The following ZNF609 variants were observed in gnomAD, a reference collection of about 807,000 sequenced individuals.
The protein encoded by ZNF609 is zinc finger protein 609.
Under a neutral mutation model 109.5 loss-of-function variants are expected in ZNF609, and 11 were observed. That is an observed-to-expected ratio of 0.10 (90% confidence interval 0.06 to 0.17). ZNF609 has a LOEUF of 0.17. Among genes scored for constraint, ZNF609 ranks in the 10% least tolerant of loss-of-function variants. The probability of loss-of-function intolerance (pLI) is 1.00; values close to 1 mark genes in which losing one functional copy is unlikely to be tolerated. For missense variants in ZNF609, 1,559 were observed against 1,772.4 expected, an observed-to-expected ratio of 0.88 and a Z score of 2.16; for synonymous variants, 646 against 662.0, an observed-to-expected ratio of 0.98 and a Z score of 0.37.
chr15:64,492,984 T>C lies in ZNF609; in HGVS notation c.-127-6309T>C, dbSNP rs201863290. 3.3e-5 allele frequency among the ~76,000 whole-genome samples: 5 copies of C among 152,336 alleles called. No homozygotes were observed. In the East Asian group the frequency reaches 9.6e-4, roughly 29 times the overall value. ...TGTGACCTGTGTGGTCTCAAGCAGA[T>C]TATAATTCATATATAACTGTCACAT... On this transcript the variant is annotated intron_variant, in intron 1 of 9. Transcript: ENST00000326648.
At position 64,499,827 on chromosome 15, in the gene ZNF609, T is replaced by A; in HGVS notation, c.408T>A (p.Ala136=). ...GDGANAGGLV[A]AIAPKGSEKA... is the part of the protein sequence containing the mutation. ...GTGCCAATGCTGGAGGCCTGGTTGC[T>A]GCTATTGCTCCCAAGGGCTCAGAGA... Residue 136 remains alanine (A), a synonymous_variant, in exon 2 of 10, where the codon GCT becomes GCA. Coordinates refer to ENST00000326648, the MANE Select transcript of ZNF609 (RefSeq NM_015042.2). 1 of 1,614,066 alleles carries A rather than the reference T, an allele frequency of 6.2e-7. No homozygotes were observed. Among genetic ancestry groups the A allele is most frequent in the Non-Finnish European group, 8.5e-7 (1 of 1,180,006 alleles).
chr15:64,530,288 G>A (rs1479274339), intron 2 of ZNF609, among the ~76,000 whole-genome samples: 1 of 152,152 alleles, frequency 6.6e-6, no homozygotes, highest in Non-Finnish European at 1.5e-5. Flanking sequence ...GGGATTACAG[G>A]CATGAGCCAC....
chr15:64,669,893 C>A (rs1328508393), intron 3 of ZNF609, among the ~76,000 whole-genome samples: 1 of 152,148 alleles, frequency 6.6e-6, no homozygotes, highest in Admixed American at 6.6e-5. Flanking sequence ...ATCTTGAGCT[C>A]CTGGCTGCAA....
intron 1 of ZNF609, among the ~76,000 whole-genome samples, chr15:64,497,338 C>T (rs1893495508): frequency 6.6e-6 from 1 of 152,168 alleles, no homozygotes; most frequent in Non-Finnish European, 1.5e-5. Context: ...AGCTAAATGG[C>T]AGATAAATGT....
rs766496131 is a variant in ZNF609 at position 64,499,731 on chromosome 15, A to T, written c.312A>T (p.Pro104=). ...GCAAAGACACTAGCAAACCCACTCC[A>T]GGGACTTCCCTGTTCACTCCAAGTG... ...KSGKDTSKPT[P]GTSLFTPSEG... is the part of the protein sequence containing the mutation. Residue 104 remains proline, a synonymous_variant, in exon 2 of 10, where the codon CCA becomes CCT. Coordinates refer to ENST00000326648, the MANE Select transcript of ZNF609 (RefSeq NM_015042.2). 1 of 1,614,134 alleles carries T rather than the reference A, an allele frequency of 6.2e-7. No homozygotes were observed. Among genetic ancestry groups the T allele is most frequent in the Non-Finnish European group, 8.5e-7 (1 of 1,180,032 alleles).
At chr15:64,549,315 A>C (rs530267482) in intron 2 of ZNF609, among the ~76,000 whole-genome samples, 2 of 151,986 alleles carry the variant, frequency 1.3e-5, no homozygotes, top group South Asian at 4.2e-4. Context: ...CTCAGCCTCC[A>C]GAGTAGCTGG....
At chr15:64,468,431 T>G (rs1351596512) in intron 1 of ZNF609, among the ~76,000 whole-genome samples, 1 of 151,486 alleles carries the variant, frequency 6.6e-6, no homozygotes, top group East Asian at 1.9e-4. Flanking sequence ...AATTTTTTTG[T>G]GTGTTTTTTT....
intron 2 of ZNF609, among the ~76,000 whole-genome samples, chr15:64,571,573 A>G (rs1187282344): frequency 1.3e-5 from 2 of 152,150 alleles, no homozygotes; most frequent in Non-Finnish European, 2.9e-5. Flanking sequence ...GTTAAGTACT[A>G]TTATTATCCA....
chr15:64,543,577 G>A (rs1894307135), intron 2 of ZNF609, among the ~76,000 whole-genome samples: 1 of 151,548 alleles, frequency 6.6e-6, no homozygotes, highest in Non-Finnish European at 1.5e-5. Flanking sequence ...TGAGTAGCTG[G>A]GATTACAGGC....
chr15:64,622,387 T>A (rs1252570006), intron 2 of ZNF609, among the ~76,000 whole-genome samples: 2 of 152,200 alleles, frequency 1.3e-5, no homozygotes, highest in Non-Finnish European at 2.9e-5. Flanking sequence ...GTTTGCTGAA[T>A]GATAGATTGG....
intron 1 of ZNF609, among the ~76,000 whole-genome samples, chr15:64,476,160 A>G (rs1488548846): frequency 6.6e-6 from 1 of 152,168 alleles, no homozygotes; most frequent in Non-Finnish European, 1.5e-5. Flanking sequence ...AGGGCAATAT[A>G]GGCATTGTTG....
intron 2 of ZNF609, among the ~76,000 whole-genome samples, chr15:64,570,387 A>G (rs1484843502): frequency 6.6e-6 from 1 of 152,226 alleles, no homozygotes; most frequent in Non-Finnish European, 1.5e-5. Flanking sequence ...AAGCATAAAT[A>G]TGTTTCTCAA....
rs1194021339 is a variant in ZNF609, at chr15:64,675,960, C to G, written c.3106C>G (p.Leu1036Val). 13 of 1,614,170 alleles carry G rather than the reference C, an allele frequency of 8.1e-6. No homozygotes were observed. The highest frequency in any genetic ancestry group is 1.0e-5 in the Non-Finnish European group (12 of 1,180,030). Residue 1036 changes from leucine to valine, a missense_variant, in exon 5 of 10, where the codon CTC (leucine) becomes GTC (valine). Leu to Val is a conservative substitution (Grantham distance 32, BLOSUM62 1). Transcript: ENST00000326648. ...EMGLKEREAA[L>V]KEEWKQKPSI... ...GGGCCTGAAGGAGCGGGAGGCAGCA[C>G]TCAAGGAAGAGTGGAAGCAAAAGCC...
chr15:64,524,024 T>C (rs1159663228), intron 2 of ZNF609, among the ~76,000 whole-genome samples: 7 of 151,984 alleles, frequency 4.6e-5, no homozygotes, highest in South Asian at 2.1e-4. Context: ...TTTTTTTTTT[T>C]CCTCATACAG....
chr15:64,593,627 C>T (rs574283150), intron 2 of ZNF609, among the ~76,000 whole-genome samples: 3 of 152,186 alleles, frequency 2.0e-5, no homozygotes, highest in East Asian at 1.9e-4. Flanking sequence ...CCCAGACTCA[C>T]GTAATCCTCC....
intron 2 of ZNF609, chr15:64,528,942 G>T (rs956278110): frequency 8.6e-5 from 112 of 1,302,528 alleles, no homozygotes; most frequent in Non-Finnish European, 1.2e-4. Flanking sequence ...GACAGGTCAG[G>T]TCCGCCACTG....
At position 64,678,326 on chromosome 15, in the gene ZNF609, G is replaced by A; in HGVS notation, c.3613G>A (p.Glu1205Lys). The change falls in exon 6 of 10, where the codon GAG becomes AAG. Residue 1205 changes from glutamate (E) to lysine (K), a missense_variant. Around this residue, in one of 4 missense-constraint regions of ZNF609, gnomAD observed 1,204 missense variants for 1,314.1 expected, o/e 0.92. Coordinates refer to ENST00000326648, the MANE Select transcript of ZNF609 (RefSeq NM_015042.2). ...AGAGGAGTCTCGCCTTGGGAGCAAG[G>A]AGCCCCGGCCAAGTGTCCATGTGCC... ...TSEESRLGSK[E>K]PRPSVHVPVS... 1 of 1,614,086 alleles carries A rather than the reference G, an allele frequency of 6.2e-7. No homozygotes were observed.
At chr15:64,631,502 T>G (rs1264653282) in intron 3 of ZNF609, 1 of 684,108 alleles carries the variant, frequency 1.5e-6, no homozygotes, top group Non-Finnish European at 2.7e-6. Flanking sequence ...GATTCGCATA[T>G]ACATGGCCAA....
intron 3 of ZNF609, among the ~76,000 whole-genome samples, chr15:64,638,018 A>AG (rs1258164553): frequency 1.5e-5 from 2 of 137,446 alleles, no homozygotes; most frequent in Non-Finnish European, 3.1e-5. Flanking sequence ...ATATATATAA[A>AG]ATATATATAA....
Sources: allele counts gnomAD v4.1 joint callset (sites outside exome capture counted in the v4.1 genomes callset), GRCh38; gene constraint gnomAD v4.1.1; regional missense constraint gnomAD v4.1.1; transcripts MANE v1.5; gene names NCBI Gene and HGNC (gene_info 2026-07-23, HGNC 2026-07-21).